LDLRAD3: variants seen among roughly 807,000 people sequenced by gnomAD.
The protein encoded by LDLRAD3 is low-density lipoprotein receptor class A domain-containing protein 3.
LDLRAD3 carries 20 observed loss-of-function variants against 29.4 expected under a neutral mutation model. That is an observed-to-expected ratio of 0.68 (90% confidence interval 0.48 to 0.99). The LOEUF (loss-of-function observed/expected upper bound fraction) is 0.99, where lower values mean the gene tolerates loss of function less well. LDLRAD3 is among the 50% of genes least tolerant of loss of function. The pLI is 0.00. For missense variants in LDLRAD3, 420 were observed against 454.3 expected (o/e 0.92, Z 0.69); for synonymous variants, 157 against 192.7 (o/e 0.81, Z 1.53).
intron 4 of LDLRAD3, among the ~76,000 whole-genome samples, chr11:36,188,376 A>C (rs1854888061): frequency 3.9e-5 from 2 of 51,462 alleles, no homozygotes; most frequent in Admixed American, 3.4e-4. Flanking sequence ...ACCAGCAAAA[A>C]AAAAAAAAAA....
At chr11:36,198,602 A>AG (rs1451559617) in intron 4 of LDLRAD3, among the ~76,000 whole-genome samples, 1 of 152,174 alleles carries the variant, frequency 6.6e-6, no homozygotes, top group African/African-American at 2.4e-5. Flanking sequence ...TGCATGAAGC[A>AG]GGGTGGTTCT....
chr11:36,211,176 T>G (rs12796822), intron 4 of LDLRAD3, among the ~76,000 whole-genome samples: 8,865 of 152,228 alleles, frequency 0.058, 806 homozygotes, highest in African/African-American at 0.19. Flanking sequence ...CATTGTAGCA[T>G]GAAAGCAGCC....
At chr11:35,963,433 GTT>G (rs375997319) in intron 1 of LDLRAD3, among the ~76,000 whole-genome samples, 1 of 144,380 alleles carries the variant, frequency 6.9e-6, no homozygotes, top group East Asian at 2.1e-4. Context: ...GTGTGTGTGT[GTT>G]TTTTTTTTTT....
intron 4 of LDLRAD3, among the ~76,000 whole-genome samples, chr11:36,204,604 C>CA (rs1482764102): frequency 5.3e-5 from 8 of 151,882 alleles, no homozygotes; most frequent in Middle Eastern, 3.2e-3. Context: ...TCTGCTGCCT[C>CA]AGCCTCCTGA....
chr11:36,145,711 A>G (rs1359024237), intron 4 of LDLRAD3, among the ~76,000 whole-genome samples: 2 of 147,574 alleles, frequency 1.4e-5, no homozygotes, highest in South Asian at 2.1e-4. Flanking sequence ...CTTACCCCCA[A>G]CCCTGTGCTC....
chr11:36,021,162 T>C (rs61879138), intron 1 of LDLRAD3, among the ~76,000 whole-genome samples: 15,505 of 152,024 alleles, frequency 0.1, 927 homozygotes, highest in African/African-American at 0.17. Flanking sequence ...GGGGTGGAAA[T>C]GTGAAGCCAA....
chr11:36,084,251 ATT>A, intron 3 of LDLRAD3, among the ~76,000 whole-genome samples: 1 of 152,278 alleles, frequency 6.6e-6, no homozygotes, highest in Non-Finnish European at 1.5e-5. Flanking sequence ...AAATGAGTAA[ATT>A]ATACCCATTC....
chr11:35,993,033 A>G (rs1851709089), intron 1 of LDLRAD3, among the ~76,000 whole-genome samples: 5 of 152,080 alleles, frequency 3.3e-5, no homozygotes, highest in Admixed American at 1.3e-4. Flanking sequence ...TCCATAATCC[A>G]CACTTTTATG....
intron 2 of LDLRAD3, among the ~76,000 whole-genome samples, chr11:36,059,512 C>T (rs564237507): frequency 3.0e-4 from 46 of 151,806 alleles, no homozygotes; most frequent in Non-Finnish European, 6.6e-4. Flanking sequence ...CCTGCCATCC[C>T]TGGGCACTCT....
At chr11:36,013,334 G>GA (rs1851978465) in intron 1 of LDLRAD3, among the ~76,000 whole-genome samples, 1 of 152,088 alleles carries the variant, frequency 6.6e-6, no homozygotes, top group African/African-American at 2.4e-5. Flanking sequence ...TACATGTGCA[G>GA]AATGTGCAGG....
intron 2 of LDLRAD3, among the ~76,000 whole-genome samples, chr11:36,063,365 T>G (rs1852736109): frequency 6.6e-6 from 1 of 152,220 alleles, no homozygotes; most frequent in African/African-American, 2.4e-5. Flanking sequence ...TAGAACATTT[T>G]AATCACCCCA....
intron 4 of LDLRAD3, among the ~76,000 whole-genome samples, chr11:36,195,300 GAAGC>G: frequency 6.6e-6 from 1 of 151,750 alleles, no homozygotes; most frequent in African/African-American, 2.4e-5. Flanking sequence ...TAGAAGCATA[GAAGC>G]ATCGTACTAT....
intron 2 of LDLRAD3, among the ~76,000 whole-genome samples, chr11:36,051,604 TAA>T (rs1852529151): frequency 6.6e-6 from 1 of 152,196 alleles, no homozygotes. Context: ...TTCTCCTGTA[TAA>T]AAGTTATGGT....
chr11:36,019,160 G>A (rs1022447446), intron 1 of LDLRAD3, among the ~76,000 whole-genome samples: 11 of 152,150 alleles, frequency 7.2e-5, no homozygotes, highest in African/African-American at 2.7e-4. Context: ...GTGCAGCACG[G>A]GGTAGATTGT....
At chr11:36,127,920 T>C (rs2133302534) in intron 4 of LDLRAD3, among the ~76,000 whole-genome samples, 1 of 151,790 alleles carries the variant, frequency 6.6e-6, no homozygotes, top group East Asian at 1.9e-4. Context: ...GGGTCAAAGG[T>C]CCACCAGTTG....
chr11:36,217,665 C>T (rs1022182616), intron 4 of LDLRAD3, among the ~76,000 whole-genome samples: 4 of 152,160 alleles, frequency 2.6e-5, no homozygotes, highest in African/African-American at 9.7e-5. Flanking sequence ...GTTCTGGAGG[C>T]CAGAAGTGCA....
At chr11:36,055,990 C>CTTTTTTT (rs67731567) in intron 2 of LDLRAD3, among the ~76,000 whole-genome samples, 1 of 95,352 alleles carries the variant, frequency 1.0e-5, no homozygotes, top group African/African-American at 4.1e-5. Flanking sequence ...ACAGCTTGCC[C>CTTTTTTT]TTTTTTTTTT....
intron 2 of LDLRAD3, among the ~76,000 whole-genome samples, chr11:36,054,717 G>A (rs1485272427): frequency 6.6e-6 from 1 of 150,960 alleles, no homozygotes; most frequent in African/African-American, 2.4e-5. Context: ...GTGGGTGGAT[G>A]GATGGATGGA....
intron 1 of LDLRAD3, among the ~76,000 whole-genome samples, chr11:35,983,711 A>C (rs1177902485): frequency 6.6e-6 from 1 of 152,122 alleles, no homozygotes; most frequent in Non-Finnish European, 1.5e-5. Flanking sequence ...GCTCACTGCA[A>C]CCTCTGCCTC....
Sources: gnomAD v4.1 joint callset for allele counts (sites outside exome capture counted in the v4.1 genomes callset) on GRCh38, gnomAD v4.1.1 for gene constraint, MANE v1.5 for transcripts, NCBI Gene and HGNC (gene_info 2026-07-23, HGNC 2026-07-21) for gene names.